HLA-F: variants seen among roughly 807,000 people sequenced by gnomAD.
HLA-F encodes the protein major histocompatibility complex, class I, F, also known as HLA class I histocompatibility antigen, alpha chain F.
Under a neutral mutation model 49.5 loss-of-function variants are expected in HLA-F, and 46 were observed. That is an observed-to-expected ratio of 0.93 (90% CI 0.73 to 1.19). The LOEUF (loss-of-function observed/expected upper bound fraction) is 1.19, where lower values mean the gene tolerates loss of function less well. HLA-F is among the 50% of genes most tolerant of loss of function. The pLI, the probability that HLA-F is intolerant of heterozygous loss-of-function variation, is 0.00. For synonymous variants in HLA-F, 203 were observed against 233.5 expected (o/e 0.87, Z 1.19); for missense variants, 496 against 579.6 (o/e 0.86, Z 1.48).
At chr6:29,727,403 G>A (rs1419696), downstream of HLA-F, 108,756 of 457,148 alleles carry the variant, frequency 0.24, 13,981 homozygotes, top group East Asian at 0.33. Flanking sequence ...CTTTGGTTAT[G>A]TTTCTTTAAT....
downstream of HLA-F, chr6:29,728,103 A>G (rs765473439): frequency 1.9e-6 from 1 of 518,636 alleles, no homozygotes; most frequent in Non-Finnish European, 3.9e-6. Context: ...CTTGTGGGGA[A>G]TGACCAGGGA....
downstream of HLA-F, among the ~76,000 whole-genome samples, chr6:29,732,177 C>T (rs373602964): frequency 6.6e-6 from 1 of 151,914 alleles, no homozygotes; most frequent in East Asian, 1.9e-4. Context: ...CCATGTTGCC[C>T]AGGCTGGTCT....
chr6:29,727,208 A>G lies in HLA-F; in HGVS notation c.*33A>G. On this transcript the variant is annotated 3_prime_UTR_variant, in exon 7 of 7. Transcript: ENST00000259951. The stretch of plus-strand genomic sequence containing the variant: ...TAAAGTAAGTTGCAAGACCCATGAT[A>G]CTAGACCACTAAATACTTCATCACA... 2.2e-6 allele frequency: 3 copies of G among 1,373,312 alleles called. No individual in the cohort carries two copies. The highest frequency in any genetic ancestry group is 4.4e-5 in the Admixed American group (2 of 45,498). 85.1% of individuals were successfully genotyped at this position (1,373,312 alleles called of 1,614,324 possible). A position where few individuals can be genotyped will look rare whatever the true frequency, so the allele number is the denominator to read the frequency against.
intron 2 of HLA-F, 101 bp from the exon 3 acceptor site, chr6:29,724,072 C>T: frequency 6.4e-7 from 1 of 1,556,062 alleles, no homozygotes; most frequent in Non-Finnish European, 8.7e-7. Flanking sequence ...GTCCCAGGCG[C>T]CTTTACCCAG....
At chr6:29,733,790 T>G (rs1776826215) in intron 3 of HLA-F, among the ~76,000 whole-genome samples, 1 of 152,248 alleles carries the variant, frequency 6.6e-6, no homozygotes, top group Admixed American at 6.5e-5. Flanking sequence ...TTACAGCGTT[T>G]AGCTGAGCAA....
Position 29,726,927 on chromosome 6 carries a change from A to C in HLA-F, c.1081A>C (p.Ser361Arg), listed in dbSNP as rs2127590885. Reference sequence around the variant, plus strand: ...AAACTTGATGATAACATGGTGGTCAAGCTTATTTCTCCTGGGGGTGCTCTT... The same window carrying C: ...AAACTTGATGATAACATGGTGGTCACGCTTATTTCTCCTGGGGGTGCTCTT... ...SGNLMITWWSSLFLLGVLFQG... is the reference protein window; with the variant it reads ...SGNLMITWWSRLFLLGVLFQG... Residue 361 changes from serine (S) to arginine (R), a missense_variant, in exon 7 of 7, where the codon AGC (serine) becomes CGC (arginine). By Grantham distance (110) the Ser-to-Arg change is moderately radical (BLOSUM62 -1). Transcript: ENST00000259951. 1.2e-6 allele frequency: 2 copies of C among 1,608,934 alleles called. No individual in the cohort carries two copies. The highest frequency in any genetic ancestry group is 3.3e-4 in the Middle Eastern group (2 of 5,978).
In HLA-F at chr6:29,725,142, A is replaced by T. The variant is rs766518320; in HGVS notation, c.722A>T (p.Asp241Val). 3.7e-6 allele frequency: 6 copies of T among 1,613,874 alleles called. No homozygotes were observed. Among genetic ancestry groups the T allele is most frequent in the Middle Eastern group, 1.7e-4 (1 of 6,022 alleles). Reference protein sequence around the residue: ...PAEITLTWQRDGEEQTQDTEL... With the variant: ...PAEITLTWQRVGEEQTQDTEL... ...GAGATCACGCTGACCTGGCAGCGGG[A>T]TGGGGAGGAACAGACCCAGGACACA... Residue 241 changes from aspartate (D) to valine (V), a missense_variant, in exon 4 of 7, where the codon GAT becomes GTT. Physicochemically the swap from Asp to Val is radical, Grantham distance 152. Transcript: ENST00000259951.
chr6:29,723,851 G>A lies in HLA-F; in HGVS notation c.258G>A (p.Gly86=). ...EGPQYWEWTT[G]YAKANAQTDR... ...CGCAGTATTGGGAGTGGACCACAGG[G>A]TACGCCAAGGCCAACGCACAGACTG... The change falls in exon 2 of 7, where the codon GGG becomes GGA. Residue 86 remains glycine (G), a synonymous_variant. Transcript: ENST00000259951. The A allele has an allele frequency of 1.3e-6, 2 of 1,599,422 alleles. No individual in the cohort carries two copies. The highest frequency in any genetic ancestry group is 1.7e-6 in the Non-Finnish European group (2 of 1,173,484).
chr6:29,724,012 G>T, intron 2 of HLA-F, 85 bp downstream of exon 2: 1 of 1,550,940 alleles, frequency 6.4e-7, no homozygotes, highest in Non-Finnish European at 8.7e-7. Flanking sequence ...CTCCGGATCC[G>T]AAATCTACCC....
At chr6:29,737,972 A>C (rs1264063860) in intron 3 of HLA-F, 1 of 152,266 alleles carries the variant, frequency 6.6e-6, no homozygotes, top group Non-Finnish European at 1.5e-5. Flanking sequence ...TCACCTCTCC[A>C]CAGGTGCAGT....
At chr6:29,731,780 C>A (rs571217024), downstream of HLA-F, among the ~76,000 whole-genome samples, 1 of 151,914 alleles carries the variant, frequency 6.6e-6, no homozygotes, top group Non-Finnish European at 1.5e-5. Flanking sequence ...AATGTATGTT[C>A]TTTGATAAAG....
At chr6:29,735,788 A>C (rs115350133) in intron 3 of HLA-F, 4 of 152,118 alleles carry the variant, frequency 2.6e-5, no homozygotes, top group Non-Finnish European at 4.4e-5. Context: ...AGGACTCCCA[A>C]AGTGCATGTG....
At chr6:29,727,547 CT>C (rs1366101350), downstream of HLA-F, among the ~76,000 whole-genome samples, 1 of 152,260 alleles carries the variant, frequency 6.6e-6, no homozygotes, top group East Asian at 1.9e-4. Flanking sequence ...ATGCCTTTAA[CT>C]TTTTTCCTCT....
chr6:29,732,207 A>C (rs1035841100), downstream of HLA-F, among the ~76,000 whole-genome samples: 7 of 151,978 alleles, frequency 4.6e-5, no homozygotes, highest in African/African-American at 1.7e-4. Flanking sequence ...GGGCTCAGAC[A>C]ATCCACCCTC....
At position 29,725,300 on chromosome 6, in the gene HLA-F, A is replaced by T; in HGVS notation, c.880A>T (p.Arg294Ter). ...GGGGCTGCCCCAGCCCCTCATCCTG[A>T]GATGGGGTAAGGAGGGAGATGGGTA... is the stretch of plus-strand genomic sequence containing the variant. The part of the protein sequence containing the change: ...HEGLPQPLIL[R>*]WEQSPQPTIP... Residue 294 changes from arginine (R) to a stop codon, truncating the protein, a stop_gained, in exon 4 of 7, where the codon AGA (arginine) becomes TGA (stop). Coordinates refer to ENST00000259951, the MANE Select transcript of HLA-F (RefSeq NM_001098479.2). LOFTEE classifies it high-confidence loss of function. 2.5e-6 allele frequency: 4 copies of T among 1,614,046 alleles called. No homozygotes were observed. The highest frequency in any genetic ancestry group is 2.5e-6 in the Non-Finnish European group (3 of 1,179,976).
downstream of HLA-F, among the ~76,000 whole-genome samples, chr6:29,731,268 GAT>G (rs1776579624): frequency 6.8e-6 from 1 of 147,902 alleles, no homozygotes; most frequent in Non-Finnish European, 1.5e-5. Context: ...TAGATAGATA[GAT>G]AGATAGATAG....
At chr6:29,725,898 C>T in intron 5 of HLA-F, 113 bp from the exon 6 acceptor site, 1 of 1,159,024 alleles carries the variant, frequency 8.6e-7, no homozygotes, top group Non-Finnish European at 1.3e-6. Context: ...TGCCCTGGAT[C>T]TACAGTTACA....
chr6:29,729,254 T>C (rs1345496860), downstream of HLA-F: 4 of 152,208 alleles, frequency 2.6e-5, no homozygotes, highest in African/African-American at 9.6e-5. Context: ...TTAATAAGAA[T>C]TCATATGTAT....
At chr6:29,731,227 G>GGATA (rs1554229350), downstream of HLA-F, among the ~76,000 whole-genome samples, 17 of 131,344 alleles carry the variant, frequency 1.3e-4, no homozygotes, top group South Asian at 6.9e-4. Flanking sequence ...TAGAGTAGAT[G>GGATA]GATACATAGA....
Sources: gnomAD v4.1 joint callset for allele counts (sites outside exome capture counted in the v4.1 genomes callset) on GRCh38, gnomAD v4.1.1 for gene constraint, MANE v1.5 for transcripts, NCBI Gene and HGNC (gene_info 2026-07-23, HGNC 2026-07-21) for gene names.